The following DSCAML1 variants were observed in gnomAD, a reference collection of about 807,000 sequenced individuals.
DSCAML1 encodes the protein cell adhesion molecule DSCAML1.
DSCAML1 carries 38 observed loss-of-function variants against 200.5 expected under a neutral mutation model. The observed-to-expected ratio is 0.19, with a 90% CI of 0.15 to 0.25. DSCAML1 has a LOEUF of 0.25. DSCAML1 is among the 10% of genes least tolerant of loss of function. DSCAML1 has a pLI of 1.00. For synonymous variants in DSCAML1, 1,215 were observed against 1,165.0 expected, an observed-to-expected ratio of 1.04 and a Z score of -0.87; for missense variants, 2,223 against 2,858.8, an observed-to-expected ratio of 0.78 and a Z score of 5.07.
intron 16 of DSCAML1, among the ~76,000 whole-genome samples, chr11:117,467,688 G>C (rs2048611633): frequency 2.0e-5 from 3 of 152,046 alleles, no homozygotes; most frequent in Admixed American, 6.5e-5. Context: ...CTCTGCACTT[G>C]GGCAGTTCTG....
intron 3 of DSCAML1, among the ~76,000 whole-genome samples, chr11:117,656,971 T>G (rs1401744492): frequency 6.6e-6 from 1 of 152,084 alleles, no homozygotes; most frequent in African/African-American, 2.4e-5. Flanking sequence ...CTAAGAGAAA[T>G]AAAAATAAGG....
At chr11:117,592,870 C>A (rs2137488546) in intron 3 of DSCAML1, among the ~76,000 whole-genome samples, 1 of 152,338 alleles carries the variant, frequency 6.6e-6, no homozygotes, top group East Asian at 1.9e-4. Context: ...CTGAACGCTG[C>A]CCCAGTGGGG....
chr11:117,611,869 C>CA (rs1301016752), intron 3 of DSCAML1: 9 of 152,126 alleles, frequency 5.9e-5, no homozygotes, highest in Non-Finnish European at 1.0e-4. Context: ...AGAAACTATC[C>CA]AGCTCTCTAA....
chr11:117,702,759 T>G (rs2137749428), intron 3 of DSCAML1, among the ~76,000 whole-genome samples: 1 of 152,328 alleles, frequency 6.6e-6, no homozygotes, highest in Non-Finnish European at 1.5e-5. Flanking sequence ...ATACTAGGTG[T>G]TTTAGCTTCA....
intron 3 of DSCAML1, among the ~76,000 whole-genome samples, chr11:117,698,858 A>G (rs1334319264): frequency 6.6e-6 from 1 of 152,220 alleles, no homozygotes; most frequent in Non-Finnish European, 1.5e-5. Context: ...GGCAGCCCAG[A>G]CAGCGGGATG....
intron 3 of DSCAML1, among the ~76,000 whole-genome samples, chr11:117,542,455 G>C (rs2050290842): frequency 6.6e-6 from 1 of 152,152 alleles, no homozygotes; most frequent in Non-Finnish European, 1.5e-5. Flanking sequence ...GTCTTAAGGG[G>C]AGCTCAATCT....
At chr11:117,471,720 A>G in intron 15 of DSCAML1, 149 bp downstream of exon 15, 1 of 717,656 alleles carries the variant, frequency 1.4e-6, no homozygotes, top group Non-Finnish European at 2.0e-6. Flanking sequence ...GCAGTGATCC[A>G]GAGGTGGACA....
rs1200800603 is a variant in DSCAML1, at chr11:117,776,895, G to A, written c.407C>T (p.Ser136Leu). The change falls in exon 3 of 33, where the codon TCA becomes TTA. Residue 136 changes from serine (S) to leucine (L), a missense_variant. This residue lies in a region of DSCAML1 where 579 missense variants were observed against 721.5 expected (regional missense o/e 0.80). Coordinates refer to ENST00000651296, the MANE Select transcript of DSCAML1 (RefSeq NM_020693.4). Reference protein sequence around the residue: ...PYTVRVEDQRSMRGNVAVFKC... With the variant: ...PYTVRVEDQRLMRGNVAVFKC... ...GAAGACGGCCACGTTGCCACGCATT[G>A]ACCTTTGATCCTCCACCCGGACGGT... The A allele has an allele frequency of 3.7e-6, 6 of 1,614,058 alleles. No individual in the cohort carries two copies. Among genetic ancestry groups the A allele is most frequent in the Non-Finnish European group, 4.2e-6 (5 of 1,180,034 alleles).
chr11:117,492,375 G>A (rs973855746), intron 11 of DSCAML1, among the ~76,000 whole-genome samples: 6 of 152,162 alleles, frequency 3.9e-5, no homozygotes, highest in Non-Finnish European at 7.3e-5. Flanking sequence ...CTTTGGGGAC[G>A]ATAAAATGCC....
intron 11 of DSCAML1, among the ~76,000 whole-genome samples, chr11:117,502,852 C>T (rs536707482): frequency 2.0e-5 from 3 of 152,142 alleles, no homozygotes; most frequent in Non-Finnish European, 4.4e-5. Flanking sequence ...CCCAACCCCC[C>T]GCTCATAGTG....
chr11:117,758,408 G>A (rs1186961789), intron 3 of DSCAML1, among the ~76,000 whole-genome samples: 2 of 150,818 alleles, frequency 1.3e-5, no homozygotes, highest in South Asian at 4.2e-4. Flanking sequence ...GTTTTGTTTT[G>A]TTTTGTTTTT....
intron 3 of DSCAML1, among the ~76,000 whole-genome samples, chr11:117,587,253 A>ACCG (rs2051162891): frequency 7.3e-6 from 1 of 137,792 alleles, no homozygotes; most frequent in Non-Finnish European, 1.5e-5. Context: ...ATTCTTTCCA[A>ACCG]CCCCCCCCCA....
intron 3 of DSCAML1, among the ~76,000 whole-genome samples, chr11:117,745,183 G>T (rs187432386): frequency 2.0e-5 from 3 of 151,062 alleles, no homozygotes; most frequent in Admixed American, 2.0e-4. Context: ...CAGCTGGGAG[G>T]GGCACGTGGG....
intron 3 of DSCAML1, among the ~76,000 whole-genome samples, chr11:117,601,023 G>T (rs775479203): frequency 6.6e-6 from 1 of 152,150 alleles, no homozygotes. Flanking sequence ...TGGATTTATC[G>T]AACAAGATTA....
At position 117,658,379 on chromosome 11, in the gene DSCAML1, C is replaced by T. The variant is rs140654369; in HGVS notation, c.511+118412G>A. ...ACTTTCCTGATCCACTTCTTTGGGACGATGGAGTTCAACTCCTTCATAATT... is the reference window on the plus strand; with the variant it reads ...ACTTTCCTGATCCACTTCTTTGGGATGATGGAGTTCAACTCCTTCATAATT... On this transcript the variant is annotated intron_variant, in intron 3 of 32. Coordinates refer to ENST00000651296, the MANE Select transcript of DSCAML1 (RefSeq NM_020693.4). 5.5e-4 allele frequency among the ~76,000 whole-genome samples: 83 copies of T among 152,234 alleles called. 1 individual carries two copies. In the East Asian group the frequency reaches 0.015, roughly 28 times the overall value.
chr11:117,603,966 T>A (rs1449202076), intron 3 of DSCAML1, among the ~76,000 whole-genome samples: 2 of 152,226 alleles, frequency 1.3e-5, no homozygotes, highest in African/African-American at 4.8e-5. Flanking sequence ...ATTGGTTCCA[T>A]TTAATTGATG....
At chr11:117,674,884 A>T (rs1275902169) in intron 3 of DSCAML1, among the ~76,000 whole-genome samples, 1 of 152,072 alleles carries the variant, frequency 6.6e-6, no homozygotes, top group East Asian at 1.9e-4. Context: ...TCCTCCCTGG[A>T]TGCTTGTCCT....
intron 3 of DSCAML1, among the ~76,000 whole-genome samples, chr11:117,686,633 C>G (rs1038082437): frequency 6.6e-6 from 1 of 152,186 alleles, no homozygotes; most frequent in African/African-American, 2.4e-5. Flanking sequence ...TAAATGACTA[C>G]GGCACCTTCA....
intron 3 of DSCAML1, among the ~76,000 whole-genome samples, chr11:117,597,362 T>C (rs1269711306): frequency 6.6e-6 from 1 of 152,152 alleles, no homozygotes; most frequent in Admixed American, 6.5e-5. Flanking sequence ...GGCAGGTGTG[T>C]GGGAGCAGGG....
Sources: gnomAD v4.1 joint callset for allele counts (sites outside exome capture counted in the v4.1 genomes callset) on GRCh38, gnomAD v4.1.1 for gene constraint, gnomAD v4.1.1 regional missense constraint, MANE v1.5 for transcripts, NCBI Gene and HGNC (gene_info 2026-07-23, HGNC 2026-07-21) for gene names.